WASF1: variants seen among roughly 807,000 people sequenced by gnomAD.
The protein encoded by WASF1 is actin-binding protein WASF1.
Under a neutral mutation model 50.5 loss-of-function variants are expected in WASF1, and 7 were observed. The ratio of observed to expected loss-of-function variants is 0.14; its 90% CI spans 0.08 to 0.26. The LOEUF is 0.26. Among genes scored for constraint, WASF1 ranks in the 10% least tolerant of loss-of-function variants. The pLI, the probability that WASF1 is intolerant of heterozygous loss-of-function variation, is 1.00. For synonymous variants in WASF1, 205 were observed against 244.0 expected (o/e 0.84, Z 1.49); for missense variants, 470 against 694.7 (o/e 0.68, Z 3.64).
intron 4 of WASF1, among the ~76,000 whole-genome samples, chr6:110,116,646 T>C (rs1158244085): frequency 6.6e-6 from 1 of 152,294 alleles, no homozygotes; most frequent in East Asian, 1.9e-4. Flanking sequence ...TAAACATCCT[T>C]GTCTGACAGC....
In WASF1 at chr6:110,100,731, A is replaced by G. The variant is rs367796849; in HGVS notation, c.1523-52T>C. On this transcript the variant is annotated intron_variant, in intron 10 of 10. Coordinates refer to ENST00000392589, the MANE Select transcript of WASF1 (RefSeq NM_003931.3). ...TTTAAATCAAAATACTAGATACTAG[A>G]TATTATTAATATTTCTGGAATAAAA... The G allele has an allele frequency of 6.3e-6, 9 of 1,417,350 alleles. No homozygotes were observed. In the African/African-American group the frequency reaches 1.0e-4, roughly 16 times the overall value. The allele number at this position is 1,417,350 out of a possible 1,614,324, so 87.8% of individuals were successfully genotyped here. A position where few individuals can be genotyped will look rare whatever the true frequency, so the allele number is the denominator to read the frequency against.
intron 4 of WASF1, among the ~76,000 whole-genome samples, chr6:110,118,038 G>A (rs1001054314): frequency 2.6e-5 from 4 of 152,000 alleles, no homozygotes; most frequent in African/African-American, 4.8e-5. Context: ...AGCAACAACC[G>A]GTACCAGCCA....
rs191294015 is a variant in WASF1, at chr6:110,136,987, T to C, written c.-28-9358A>G. On this transcript the variant is annotated intron_variant, in intron 3 of 10. Transcript: ENST00000392589. ...ACTTGTCTCAGTTTGTAATTATGTATCTTCATGATTGATTTCTGTCTCCTT... is the reference window on the plus strand; with the variant it reads ...ACTTGTCTCAGTTTGTAATTATGTACCTTCATGATTGATTTCTGTCTCCTT... Among the ~76,000 whole-genome samples the C allele has an allele frequency of 2.5e-4, 38 of 152,336 alleles. 1 individual carries two copies. Among genetic ancestry groups the C allele is most frequent in the African/African-American group, 9.1e-4 (38 of 41,584 alleles).
Position 110,150,345 on chromosome 6 carries a change from T to C in WASF1, c.-29+10290A>G, listed in dbSNP as rs117919852. 5.6e-3 allele frequency among the ~76,000 whole-genome samples: 854 copies of C among 152,262 alleles called. 35 individuals carry two copies. In the East Asian group the frequency reaches 0.11, roughly 20 times the overall value. ...AGACTAAGGTAAATTATTATGCATG[T>C]AGAGAGAATGAAATCAAAACCAGCT... On this transcript the variant is annotated intron_variant, in intron 3 of 10. Transcript: ENST00000392589.
chr6:110,112,205 A>G (rs1473493238), intron 5 of WASF1, among the ~76,000 whole-genome samples: 2 of 152,016 alleles, frequency 1.3e-5, no homozygotes, highest in Non-Finnish European at 2.9e-5. Flanking sequence ...TTGCATTTAT[A>G]CTAAAAATTA....
chr6:110,135,607 A>G (rs1774910887), intron 3 of WASF1, among the ~76,000 whole-genome samples: 1 of 151,862 alleles, frequency 6.6e-6, no homozygotes, highest in Admixed American at 6.6e-5. Flanking sequence ...GCTACCCATG[A>G]TCTTATTCTC....
At chr6:110,127,028 C>CCT (rs768332496) in intron 4 of WASF1, among the ~76,000 whole-genome samples, 10 of 152,110 alleles carry the variant, frequency 6.6e-5, no homozygotes, top group Non-Finnish European at 1.5e-4. Context: ...TGACCCCATA[C>CCT]CTCTCACCTT....
In WASF1 at chr6:110,101,504, A is replaced by G. The variant is rs943917809; in HGVS notation, c.1522+84T>C. ...AACATGATCACCTAAAATTTTATAG[A>G]TAAGGAACACATTTTTGTCTTAAAT... On this transcript the variant is annotated intron_variant, in intron 10 of 10. Transcript: ENST00000392589. 5 of 1,506,760 alleles carry G rather than the reference A, an allele frequency of 3.3e-6. No individual in the cohort carries two copies. In the African/African-American group the frequency reaches 7.0e-5, roughly 21 times the overall value. 93.3% of individuals were successfully genotyped at this position (1,506,760 alleles called of 1,614,324 possible). A position where few individuals can be genotyped will look rare whatever the true frequency, so the allele number is the denominator to read the frequency against.
In WASF1 at chr6:110,100,215, G is replaced by A. The variant is rs1365759264; in HGVS notation, c.*307C>T. ...CTTTCTTTAAATTAAAATTCACAAA[G>A]TACACAATTAAGATATATCAAAAAA... is the stretch of plus-strand genomic sequence containing the variant. On this transcript the variant is annotated 3_prime_UTR_variant, in exon 11 of 11. Coordinates refer to ENST00000392589, the MANE Select transcript of WASF1 (RefSeq NM_003931.3). 5.3e-6 allele frequency: 1 copy of A among 189,626 alleles called. No individual in the cohort carries two copies. Among genetic ancestry groups the A allele is most frequent in the Non-Finnish European group, 1.1e-5 (1 of 93,040 alleles). The allele number at this position is 189,626 out of a possible 1,614,324, so 11.7% of individuals were successfully genotyped here.
intron 2 of WASF1, among the ~76,000 whole-genome samples, chr6:110,164,715 T>G (rs1249033148): frequency 2.0e-5 from 3 of 151,496 alleles, no homozygotes; most frequent in Non-Finnish European, 4.4e-5. Context: ...CCCAAAGAGG[T>G]GAAAACTTAC....
At chr6:110,117,118 G>T (rs1444481968) in intron 4 of WASF1, among the ~76,000 whole-genome samples, 1 of 152,072 alleles carries the variant, frequency 6.6e-6, no homozygotes, top group East Asian at 1.9e-4. Context: ...CCAAAGGATT[G>T]CAGCTCCTTG....
chr6:110,118,405 T>C (rs1252143519), intron 4 of WASF1, among the ~76,000 whole-genome samples: 1 of 70,268 alleles, frequency 1.4e-5, no homozygotes, highest in Non-Finnish European at 2.8e-5. Context: ...TAGTCTCTGA[T>C]AAAACAGACT....
intron 2 of WASF1, chr6:110,177,146 C>A (rs949646745): frequency 6.6e-6 from 1 of 151,932 alleles, no homozygotes; most frequent in Admixed American, 6.5e-5. Flanking sequence ...CTATAGCATA[C>A]CTTATAAATG....
chr6:110,179,233 G>C (rs548774500), intron 1 of WASF1, among the ~76,000 whole-genome samples: 11 of 152,070 alleles, frequency 7.2e-5, no homozygotes, highest in Non-Finnish European at 1.3e-4. Context: ...CGTCTCCCTC[G>C]GCACCCAGCC....
intron 9 of WASF1, 138 bp from the exon 10 acceptor site, chr6:110,102,354 T>A (rs1773131700): frequency 1.2e-5 from 10 of 834,638 alleles, no homozygotes; most frequent in African/African-American, 1.8e-5. Flanking sequence ...AAATTTAACA[T>A]CTTCAACAGT....
intron 2 of WASF1, among the ~76,000 whole-genome samples, chr6:110,164,596 C>T (rs1233209366): frequency 1.3e-5 from 2 of 151,642 alleles, no homozygotes; most frequent in Non-Finnish European, 3.0e-5. Flanking sequence ...AAGAAGAACT[C>T]TCATTCGCTG....
At chr6:110,134,595 T>A (rs1191792077) in intron 3 of WASF1, among the ~76,000 whole-genome samples, 1 of 152,100 alleles carries the variant, frequency 6.6e-6, no homozygotes, top group African/African-American at 2.4e-5. Flanking sequence ...TGGCTAATTT[T>A]TTTTATTTTT....
At chr6:110,166,448 C>G (rs914692017) in intron 2 of WASF1, among the ~76,000 whole-genome samples, 4 of 151,736 alleles carry the variant, frequency 2.6e-5, no homozygotes, top group African/African-American at 9.7e-5. Flanking sequence ...TTATAGAGAG[C>G]AAGGCTCAAA....
At chr6:110,140,981 T>A (rs1018596277) in intron 3 of WASF1, among the ~76,000 whole-genome samples, 1 of 152,204 alleles carries the variant, frequency 6.6e-6, no homozygotes, top group African/African-American at 2.4e-5. Flanking sequence ...CCAGGCAGGA[T>A]GGCACAAGAT....
Sources: gnomAD v4.1 joint callset for allele counts (sites outside exome capture counted in the v4.1 genomes callset) on GRCh38, gnomAD v4.1.1 for gene constraint, MANE v1.5 for transcripts, NCBI Gene and HGNC (gene_info 2026-07-23, HGNC 2026-07-21) for gene names.